SNTB1: variants seen among roughly 807,000 people sequenced by gnomAD.
SNTB1 encodes the protein beta-1-syntrophin.
A neutral mutation model predicts 48.9 loss-of-function variants in SNTB1; 36 were observed. The observed-to-expected ratio is 0.74, with a 90% CI of 0.56 to 0.97. The LOEUF (loss-of-function observed/expected upper bound fraction) is 0.97, where lower values mean the gene tolerates loss of function less well. Among genes scored for constraint, SNTB1 ranks in the 50% least tolerant of loss-of-function variants. The pLI, the probability that SNTB1 is intolerant of heterozygous loss-of-function variation, is 0.00. For missense variants in SNTB1, 786 were observed against 703.4 expected, an observed-to-expected ratio of 1.12 and a Z score of -1.33; for synonymous variants, 299 against 294.6, an observed-to-expected ratio of 1.01 and a Z score of -0.15.
chr8:120,780,393 C>T (rs1385828364), intron 1 of SNTB1, among the ~76,000 whole-genome samples: 1 of 152,160 alleles, frequency 6.6e-6, no homozygotes, highest in East Asian at 1.9e-4. Context: ...GTGAGTCATT[C>T]AACGTAATCA....
chr8:120,700,347 A>C (rs1047697221), intron 1 of SNTB1, among the ~76,000 whole-genome samples: 1 of 152,220 alleles, frequency 6.6e-6, no homozygotes, highest in Non-Finnish European at 1.5e-5. Flanking sequence ...TGTATTCATA[A>C]TAGAGGGTTT....
At chr8:120,633,258 G>C (rs1817013059) in intron 2 of SNTB1, among the ~76,000 whole-genome samples, 1 of 152,286 alleles carries the variant, frequency 6.6e-6, no homozygotes, top group East Asian at 1.9e-4. Context: ...GTAAAGGCAT[G>C]AATTGGCCTA....
At chr8:120,728,116 C>T (rs768006292) in intron 1 of SNTB1, among the ~76,000 whole-genome samples, 38 of 152,260 alleles carry the variant, frequency 2.5e-4, no homozygotes, top group Non-Finnish European at 2.8e-4. Flanking sequence ...ACCTCCACCT[C>T]CCAGGCTCAA....
chr8:120,624,450 C>T (rs1053529968), intron 3 of SNTB1, among the ~76,000 whole-genome samples: 36 of 152,250 alleles, frequency 2.4e-4, no homozygotes, highest in Non-Finnish European at 3.4e-4. Context: ...AGCTAACTCA[C>T]GCCCATGATA....
chr8:120,720,303 C>T (rs1462141830), intron 1 of SNTB1, among the ~76,000 whole-genome samples: 1 of 152,228 alleles, frequency 6.6e-6, no homozygotes, highest in East Asian at 1.9e-4. Context: ...CCTGTTCTCA[C>T]ACGAGTCTAA....
At chr8:120,749,781 AGT>A (rs1819181591) in intron 1 of SNTB1, among the ~76,000 whole-genome samples, 1 of 152,096 alleles carries the variant, frequency 6.6e-6, no homozygotes, top group African/African-American at 2.4e-5. Context: ...TTGAAACATT[AGT>A]ACGGAAAGGT....
intron 3 of SNTB1, among the ~76,000 whole-genome samples, chr8:120,613,309 C>A (rs1263338464): frequency 2.0e-5 from 3 of 151,758 alleles, no homozygotes; most frequent in African/African-American, 7.3e-5. Context: ...CGGGATTGTG[C>A]CACTGCACTT....
intron 1 of SNTB1, among the ~76,000 whole-genome samples, chr8:120,726,727 T>A (rs1183276198): frequency 6.6e-6 from 1 of 152,186 alleles, no homozygotes; most frequent in Non-Finnish European, 1.5e-5. Context: ...AGATCTACAA[T>A]GTAGGAAGTG....
intron 2 of SNTB1, among the ~76,000 whole-genome samples, chr8:120,666,196 A>T (rs1287270555): frequency 6.6e-6 from 1 of 152,194 alleles, no homozygotes; most frequent in African/African-American, 2.4e-5. Context: ...CCGCAGATAC[A>T]TATTTCTATT....
At chr8:120,583,918 A>T (rs1372804613) in intron 3 of SNTB1, among the ~76,000 whole-genome samples, 1 of 152,224 alleles carries the variant, frequency 6.6e-6, no homozygotes, top group African/African-American at 2.4e-5. Context: ...ATTAATCCAA[A>T]AAAGCATTAC....
At chr8:120,752,449 C>A (rs1320168546) in intron 1 of SNTB1, among the ~76,000 whole-genome samples, 2 of 152,028 alleles carry the variant, frequency 1.3e-5, no homozygotes, top group African/African-American at 4.8e-5. Flanking sequence ...GAGTATATAT[C>A]TAAAGGAAAA....
chr8:120,724,527 G>A (rs967944246), intron 1 of SNTB1, among the ~76,000 whole-genome samples: 6 of 152,176 alleles, frequency 3.9e-5, no homozygotes, highest in Non-Finnish European at 7.3e-5. Context: ...TGGGGAAGAA[G>A]GGTTGAGTAG....
intron 2 of SNTB1, among the ~76,000 whole-genome samples, chr8:120,674,983 G>T (rs563772313): frequency 5.8e-4 from 89 of 152,308 alleles, no homozygotes; most frequent in African/African-American, 2.1e-3. Context: ...GGCAAACAGA[G>T]ACAAAGGTTC....
At chr8:120,581,605 A>G (rs1254867203) in intron 3 of SNTB1, among the ~76,000 whole-genome samples, 3 of 152,044 alleles carry the variant, frequency 2.0e-5, no homozygotes, top group African/African-American at 7.2e-5. Context: ...CTCTGTCTCA[A>G]AAAAAAGGAG....
At chr8:120,788,921 C>T (rs1819972924) in intron 1 of SNTB1, among the ~76,000 whole-genome samples, 1 of 152,010 alleles carries the variant, frequency 6.6e-6, no homozygotes, top group Non-Finnish European at 1.5e-5. Flanking sequence ...ACATACTACC[C>T]AAGAACTTCA....
Position 120,622,734 on chromosome 8 carries a change from ATATACCTAAAGGAATCCC to A in SNTB1, c.996+9692_996+9709del, listed in dbSNP as rs535135191. 2.6e-3 allele frequency among the ~76,000 whole-genome samples: 390 copies of A among 152,352 alleles called. 2 individuals are homozygous for A. Among genetic ancestry groups the A allele is most frequent in the African/African-American group, 9.0e-3 (375 of 41,582 alleles). ...TAAGTCTGTCCCACCTAAAGGTCCC[ATATACCTAAAGGAATCCC>A]TGCTGGAATTCCTCCCCTCATGGGA... On this transcript the variant is annotated intron_variant, in intron 3 of 6. Coordinates refer to ENST00000517992, the MANE Select transcript of SNTB1 (RefSeq NM_021021.4).
intron 2 of SNTB1, among the ~76,000 whole-genome samples, chr8:120,639,104 T>A (rs1169243799): frequency 6.6e-6 from 1 of 152,230 alleles, no homozygotes; most frequent in Non-Finnish European, 1.5e-5. Flanking sequence ...TGAGATGGTA[T>A]CTCTTTGTGG....
At chr8:120,606,338 T>C (rs1816518278) in intron 3 of SNTB1, among the ~76,000 whole-genome samples, 1 of 139,580 alleles carries the variant, frequency 7.2e-6, no homozygotes, top group Non-Finnish European at 1.6e-5. Context: ...TGTATAAATA[T>C]GATATACTTT....
chr8:120,626,068 G>A (rs975248569), intron 3 of SNTB1, among the ~76,000 whole-genome samples: 5 of 152,200 alleles, frequency 3.3e-5, no homozygotes, highest in African/African-American at 9.7e-5. Flanking sequence ...TTCTTCTAAT[G>A]TAGGTGGGCA....
Sources: gnomAD v4.1 joint callset for allele counts (sites outside exome capture counted in the v4.1 genomes callset) on GRCh38, gnomAD v4.1.1 for gene constraint, MANE v1.5 for transcripts, NCBI Gene and HGNC (gene_info 2026-07-23, HGNC 2026-07-21) for gene names.